The following COL6A3 variants were observed in gnomAD, a reference collection of about 807,000 sequenced individuals.
COL6A3 encodes the protein collagen type VI alpha 3 chain, also known as collagen alpha-3(VI) chain.
A neutral mutation model predicts 274.1 loss-of-function variants in COL6A3; 137 were observed. The ratio of observed to expected loss-of-function variants is 0.50; its 90% CI spans 0.44 to 0.58. COL6A3 has a LOEUF of 0.58. COL6A3 is among the 20% of genes least tolerant of loss of function. The pLI, the probability that COL6A3 is intolerant of heterozygous loss-of-function variation, is 0.00. For synonymous variants in COL6A3, 1,650 were observed against 1,650.6 expected (o/e 1.00, Z 0.01); for missense variants, 3,950 against 4,124.9 (o/e 0.96, Z 1.16).
intron 1 of COL6A3, among the ~76,000 whole-genome samples, chr2:237,412,408 C>T (rs1265108520): frequency 1.3e-5 from 2 of 152,206 alleles, no homozygotes; most frequent in South Asian, 2.1e-4. Context: ...TGGGATCCTC[C>T]GTCACTGGCT....
At chr2:237,334,223 T>C (rs1700411136) in intron 41 of COL6A3, among the ~76,000 whole-genome samples, 1 of 152,110 alleles carries the variant, frequency 6.6e-6, no homozygotes, top group Non-Finnish European at 1.5e-5. Flanking sequence ...CCTCCATTAC[T>C]CCCTAAGGAG....
chr2:237,397,414 GGAAA>G (rs1319425273), intron 1 of COL6A3, among the ~76,000 whole-genome samples: 6 of 137,672 alleles, frequency 4.4e-5, no homozygotes, highest in East Asian at 2.4e-4. Flanking sequence ...GAGGAGAGAA[GGAAA>G]GAAAGAAAGA....
chr2:237,334,780 G>A lies in COL6A3; in HGVS notation c.9075C>T (p.Thr3025=), dbSNP rs201060916. 6 of 1,614,198 alleles carry A rather than the reference G, an allele frequency of 3.7e-6. No homozygotes were observed. In the African/African-American group the frequency reaches 5.3e-5, roughly 14 times the overall value. Residue 3025 remains threonine (T), a synonymous_variant, in exon 41 of 44, where the codon ACC becomes ACT. Transcript: ENST00000295550. ...GAACCAGGGACTGATCATGGGCTGA[G>A]GTGACGGTGAGGTCATAAAAATAAG... ...PGPYFYDLTV[T]SAHDQSLVLK... is the part of the protein sequence containing the mutation.
intron 4 of COL6A3, among the ~76,000 whole-genome samples, chr2:237,385,354 T>C (rs537843314): frequency 2.0e-5 from 3 of 152,356 alleles, no homozygotes; most frequent in South Asian, 2.1e-4. Flanking sequence ...ATGTTTGTAA[T>C]CAAGGGGTTG....
chr2:237,401,525 G>T (rs568719706), intron 1 of COL6A3, among the ~76,000 whole-genome samples: 1 of 152,132 alleles, frequency 6.6e-6, no homozygotes, highest in South Asian at 2.1e-4. Flanking sequence ...CATAAACAAA[G>T]AGTCTTCCAG....
rs1300472620 is a variant in COL6A3, at chr2:237,366,024, C to T, written c.5512G>A (p.Asp1838Asn). The T allele has an allele frequency of 2.5e-6, 4 of 1,613,424 alleles. No individual in the cohort carries two copies. Among genetic ancestry groups the T allele is most frequent in the Non-Finnish European group, 3.4e-6 (4 of 1,180,016 alleles). ...GAACCATCAAACCCCAGAATCACAT[C>T]CAGATTACAAGCTGGAAAGGAGAAA... Reference protein sequence around the residue: ...VTDAAKACNLDVILGFDGSRD... With the variant: ...VTDAAKACNLNVILGFDGSRD... Residue 1838 changes from aspartate (D) to asparagine (N), a missense_variant, in exon 12 of 44, where the codon GAT (aspartate) becomes AAT (asparagine). By Grantham distance (23) the Asp-to-Asn change is conservative. Around this residue, in one of 5 missense-constraint regions of COL6A3, gnomAD observed 632 missense variants for 623.4 expected, o/e 1.01. Coordinates refer to ENST00000295550, the MANE Select transcript of COL6A3 (RefSeq NM_004369.4).
At chr2:237,331,277 G>C (rs924118857) in intron 42 of COL6A3, among the ~76,000 whole-genome samples, 3 of 152,050 alleles carry the variant, frequency 2.0e-5, no homozygotes, top group Non-Finnish European at 4.4e-5. Flanking sequence ...ATTTAATAAA[G>C]AGTGGTTCAT....
At chr2:237,383,722 T>A (rs2078071169) in intron 4 of COL6A3, among the ~76,000 whole-genome samples, 1 of 152,150 alleles carries the variant, frequency 6.6e-6, no homozygotes, top group Non-Finnish European at 1.5e-5. Flanking sequence ...TATTCTTCTT[T>A]ATAAGTACCA....
chr2:237,345,900 T>C (rs1295113370), intron 32 of COL6A3, among the ~76,000 whole-genome samples: 1 of 152,238 alleles, frequency 6.6e-6, no homozygotes, highest in Admixed American at 6.5e-5. Context: ...CTTCTAGGAA[T>C]GATTTTCCAA....
At position 237,374,277 on chromosome 2, in the gene COL6A3, T is replaced by C; in HGVS notation, c.3679+135A>G. On this transcript the variant is annotated intron_variant, in intron 8 of 43. Coordinates refer to ENST00000295550, the MANE Select transcript of COL6A3 (RefSeq NM_004369.4). The surrounding 1 kb of genome is among the most constrained non-coding windows in gnomAD (Gnocchi z 4.8). ...AGGCCAAAAAGGGCATGTGGGTTCCTAAATTTTCCTGTAATTTTAGTTTTC... is the reference window on the plus strand; with the variant it reads ...AGGCCAAAAAGGGCATGTGGGTTCCCAAATTTTCCTGTAATTTTAGTTTTC... 7.5e-7 allele frequency: 1 copy of C among 1,342,178 alleles called. No individual in the cohort carries two copies. Among genetic ancestry groups the C allele is most frequent in the Non-Finnish European group, 1.0e-6 (1 of 953,858 alleles). The allele number at this position is 1,342,178 out of a possible 1,614,324, so 83.1% of individuals were successfully genotyped here. A position where few individuals can be genotyped will look rare whatever the true frequency, so the allele number is the denominator to read the frequency against.
chr2:237,369,279 A>G, intron 9 of COL6A3, 102 bp from the exon 10 acceptor site: 1 of 1,453,428 alleles, frequency 6.9e-7, no homozygotes, highest in Non-Finnish European at 9.4e-7. Context: ...CCTTAAGATT[A>G]TATCCCAAGA....
At chr2:237,351,270 C>A in intron 26 of COL6A3, 78 bp from the exon 27 acceptor site, 1 of 1,407,146 alleles carries the variant, frequency 7.1e-7, no homozygotes. Flanking sequence ...CTGACTCTCC[C>A]CTGCATGGAA....
rs2078399264 is a variant in COL6A3, at chr2:237,395,066, T to C, written c.230A>G (p.His77Arg). The C allele has an allele frequency of 1.2e-6, 2 of 1,614,000 alleles. No individual in the cohort carries two copies. The highest frequency in any genetic ancestry group is 1.1e-5 in the South Asian group (1 of 91,076). The change falls in exon 3 of 44, where the codon CAT (histidine) becomes CGT (arginine). Residue 77 changes from histidine to arginine, a missense_variant. Around this residue, in one of 5 missense-constraint regions of COL6A3, gnomAD observed 1,934 missense variants for 1,984.3 expected, o/e 0.97. Coordinates refer to ENST00000295550, the MANE Select transcript of COL6A3 (RefSeq NM_004369.4). ...TCCGTTGAACTGGACCAGAGCAAAA[T>C]GGAAATCATTTTCTCCCACAGCTAA... ...KSLAVGENDF[H>R]FALVQFNGNP...
chr2:237,402,882 G>A (rs1020528225), intron 1 of COL6A3, among the ~76,000 whole-genome samples: 1 of 152,174 alleles, frequency 6.6e-6, no homozygotes, highest in Non-Finnish European at 1.5e-5. Context: ...CTTCATGGTT[G>A]TCTGTTGTGT....
chr2:237,361,449 C>T lies in COL6A3; in HGVS notation c.6157-275G>A, dbSNP rs1211506642. ...TTCGCAGCCAGGCTGCTGTCAGGGA[C>T]GCCAGCTGCCTTTAACATTATTTTA... On this transcript the variant is annotated intron_variant, in intron 15 of 43. Transcript: ENST00000295550. The surrounding 1 kb of genome is among the most constrained non-coding windows in gnomAD (Gnocchi z 5.1). Among the ~76,000 whole-genome samples the T allele has an allele frequency of 2.0e-5, 3 of 152,298 alleles. No individual in the cohort carries two copies. The highest frequency in any genetic ancestry group is 2.9e-5 in the Non-Finnish European group (2 of 68,024).
intron 24 of COL6A3, among the ~76,000 whole-genome samples, chr2:237,354,647 G>A (rs1194799347): frequency 6.6e-6 from 1 of 152,140 alleles, no homozygotes; most frequent in Non-Finnish European, 1.5e-5. Context: ...CACACATATT[G>A]ATTGATGTCT....
At chr2:237,369,757 T>C (rs1469965304) in intron 9 of COL6A3, among the ~76,000 whole-genome samples, 1 of 152,194 alleles carries the variant, frequency 6.6e-6, no homozygotes, top group African/African-American at 2.4e-5. Context: ...ATTTGTGCCC[T>C]CGTATTTCCT....
rs115757876 is a variant in COL6A3, at chr2:237,340,819, C to G, written c.8097G>C (p.Val2699=). The change falls in exon 38 of 44, where the codon GTG becomes GTC. Residue 2699 remains valine, a synonymous_variant. Coordinates refer to ENST00000295550, the MANE Select transcript of COL6A3 (RefSeq NM_004369.4). The part of the protein sequence containing the change: ...LTDYGSKEKL[V]DFLSRGMTQL... ...GTGTCATTCCCCTGCTGAGGAAGTC[C>G]ACCAGCTTCTCCTTGGAGCCATAGT... is the stretch of plus-strand genomic sequence containing the variant. 1 of 1,614,200 alleles carries G rather than the reference C, an allele frequency of 6.2e-7. No individual in the cohort carries two copies. The highest frequency in any genetic ancestry group is 8.5e-7 in the Non-Finnish European group (1 of 1,180,048).
chr2:237,373,710 C>G (rs1002308465), intron 8 of COL6A3, among the ~76,000 whole-genome samples: 4 of 152,182 alleles, frequency 2.6e-5, no homozygotes, highest in Non-Finnish European at 5.9e-5. Flanking sequence ...TGAACCCCCC[C>G]CACCCGAGTG....
Sources: gnomAD v4.1 joint callset for allele counts (sites outside exome capture counted in the v4.1 genomes callset) on GRCh38, gnomAD v4.1.1 for gene constraint, gnomAD v4.1.1 regional missense constraint, Gnocchi (gnomAD v3.1) non-coding constraint, MANE v1.5 for transcripts, NCBI Gene and HGNC (gene_info 2026-07-23, HGNC 2026-07-21) for gene names.